Variants in CPS1 observed in about 807,000 individuals in gnomAD.
CPS1 encodes carbamoyl-phosphate synthase 1, also known as carbamoyl-phosphate synthase [ammonia], mitochondrial.
A neutral mutation model predicts 174.6 loss-of-function variants in CPS1; 109 were observed. That is an observed-to-expected ratio of 0.62 (90% CI 0.53 to 0.73). The LOEUF (loss-of-function observed/expected upper bound fraction) is 0.73. Among genes scored for constraint, CPS1 ranks in the 30% least tolerant of loss-of-function variants. CPS1 has a pLI of 0.00. For missense variants in CPS1, 1,689 were observed against 1,821.9 expected, an observed-to-expected ratio of 0.93 and a Z score of 1.33; for synonymous variants, 637 against 632.0, an observed-to-expected ratio of 1.01 and a Z score of -0.12.
At chr2:210,629,773 G>T (rs1699807917) in intron 21 of CPS1, among the ~76,000 whole-genome samples, 1 of 151,100 alleles carries the variant, frequency 6.6e-6, no homozygotes, top group Non-Finnish European at 1.5e-5. Flanking sequence ...ACCATGGGCC[G>T]GGCTCGGTGG....
chr2:210,525,703 T>C (rs1695953428), intron 1 of CPS1, among the ~76,000 whole-genome samples: 1 of 151,468 alleles, frequency 6.6e-6, no homozygotes, highest in African/African-American at 2.4e-5. Context: ...ATACCAGTGA[T>C]GGCTTGCAGG....
chr2:210,565,450 A>T (rs1295789724), intron 1 of CPS1, among the ~76,000 whole-genome samples: 1 of 152,174 alleles, frequency 6.6e-6, no homozygotes, highest in East Asian at 1.9e-4. Flanking sequence ...CTTGATATCC[A>T]TATTAGCTAC....
chr2:210,597,137 G>A (rs1381885169), intron 13 of CPS1, among the ~76,000 whole-genome samples: 1 of 151,802 alleles, frequency 6.6e-6, no homozygotes, highest in Non-Finnish European at 1.5e-5. Flanking sequence ...ACTAAAGTTT[G>A]TTGGTACTTT....
At chr2:210,538,823 T>TG (rs1696326186) in intron 1 of CPS1, among the ~76,000 whole-genome samples, 2 of 152,104 alleles carry the variant, frequency 1.3e-5, no homozygotes, top group Non-Finnish European at 2.9e-5. Context: ...GAGCAGTGTA[T>TG]TGCTTTGTTC....
chr2:210,581,004 C>G (rs888682296), intron 5 of CPS1, among the ~76,000 whole-genome samples: 2 of 151,854 alleles, frequency 1.3e-5, no homozygotes, highest in African/African-American at 2.4e-5. Flanking sequence ...AAAAACATGG[C>G]CAAATACCCA....
chr2:210,576,856 G>T (rs1314820663), intron 3 of CPS1, among the ~76,000 whole-genome samples: 2 of 152,072 alleles, frequency 1.3e-5, no homozygotes, highest in African/African-American at 4.8e-5. Flanking sequence ...TCTAGGGGAT[G>T]ATTTAAAGAT....
Position 210,630,095 on chromosome 2 carries a change from A to AC in CPS1, c.2688-7607_2688-7606insC, listed in dbSNP as rs201181547. Among the ~76,000 whole-genome samples the AC allele has an allele frequency of 7.8e-3, 1,183 of 151,064 alleles. 20 individuals are homozygous for AC. The highest frequency in any genetic ancestry group is 0.026 in the African/African-American group (1,075 of 41,294). On this transcript the variant is annotated intron_variant, in intron 21 of 37. Coordinates refer to ENST00000233072, the MANE Select transcript of CPS1 (RefSeq NM_001875.5). ...CTCAAAAAACAAAAAAACAAAACAA[A>AC]AAAAAAAAACAAAACCATGAAAAAA...
chr2:210,482,032 C>T (rs892035234), intron 1 of CPS1, among the ~76,000 whole-genome samples: 4 of 152,164 alleles, frequency 2.6e-5, no homozygotes, highest in Non-Finnish European at 4.4e-5. Flanking sequence ...GGCTGAGCCT[C>T]AAAGCCTGGG....
chr2:210,657,263 C>A (rs1700741701), intron 30 of CPS1: 1 of 155,098 alleles, frequency 6.4e-6, no homozygotes. Context: ...ATGACTCTGC[C>A]TTAGTACTCA....
At chr2:210,587,866 A>G (rs1012299328) in intron 6 of CPS1, among the ~76,000 whole-genome samples, 192 bp from the exon 7 acceptor site, 1 of 135,252 alleles carries the variant, frequency 7.4e-6, no homozygotes, top group Non-Finnish European at 1.7e-5. Context: ...TTTTTCTCAT[A>G]AAAAAGATAC....
intron 1 of CPS1, among the ~76,000 whole-genome samples, chr2:210,564,059 G>A (rs1182661917): frequency 6.6e-6 from 1 of 152,170 alleles, no homozygotes; most frequent in African/African-American, 2.4e-5. Flanking sequence ...ATCCATAAAT[G>A]TAGGCTTACA....
chr2:210,511,011 C>T (rs576631258), intron 1 of CPS1, among the ~76,000 whole-genome samples: 1 of 152,238 alleles, frequency 6.6e-6, no homozygotes, highest in East Asian at 1.9e-4. Context: ...TATCGTTTGA[C>T]CCAGCCATCC....
At chr2:210,577,357 T>C in intron 3 of CPS1, 64 bp from the exon 4 acceptor site, 1 of 1,267,264 alleles carries the variant, frequency 7.9e-7, no homozygotes, top group South Asian at 1.2e-5. Flanking sequence ...AAATGCAAAT[T>C]GACTCACAAG....
At chr2:210,622,072 C>G (rs1356500235) in intron 21 of CPS1, among the ~76,000 whole-genome samples, 1 of 151,492 alleles carries the variant, frequency 6.6e-6, no homozygotes, top group African/African-American at 2.4e-5. Context: ...AGGATACTTG[C>G]TATTTAACCC....
chr2:210,512,969 G>T (rs1454476540), intron 1 of CPS1, among the ~76,000 whole-genome samples: 1 of 31,308 alleles, frequency 3.2e-5, no homozygotes, highest in Non-Finnish European at 9.4e-5. Context: ...TATATATGGA[G>T]ATATATATAT....
At chr2:210,563,533 T>C (rs1184951119) in intron 1 of CPS1, among the ~76,000 whole-genome samples, 1 of 152,168 alleles carries the variant, frequency 6.6e-6, no homozygotes, top group East Asian at 1.9e-4. Flanking sequence ...AATGCAATTT[T>C]AGGCTGCAAG....
At chr2:210,604,847 A>G (rs1698851738) in intron 16 of CPS1, 3 of 447,226 alleles carry the variant, frequency 6.7e-6, no homozygotes, top group Admixed American at 3.7e-5. Context: ...TTCCTAAATT[A>G]GTTTGATTTA....
chr2:210,577,469 C>T lies in CPS1; in HGVS notation c.430C>T (p.Leu144=). ...TTATAGTAAAGACTACAACCACTGG[C>T]TGGCTACCAAGAGTTTAGGGCAATG... ...LDYSKDYNHW[L]ATKSLGQWLQ... is the part of the protein sequence containing the mutation. Residue 144 remains leucine (L), a synonymous_variant, in exon 4 of 38, where the codon CTG becomes TTG. Transcript: ENST00000233072. 6.2e-7 allele frequency: 1 copy of T among 1,613,872 alleles called. No individual in the cohort carries two copies.
chr2:210,515,156 GT>G (rs926138787), intron 1 of CPS1, among the ~76,000 whole-genome samples: 4 of 148,948 alleles, frequency 2.7e-5, no homozygotes, highest in Admixed American at 6.7e-5. Flanking sequence ...CCTGCATTTT[GT>G]TTTTTTTTCT....
Sources: gnomAD v4.1 joint callset for allele counts (sites outside exome capture counted in the v4.1 genomes callset) on GRCh38, gnomAD v4.1.1 for gene constraint, MANE v1.5 for transcripts, NCBI Gene and HGNC (gene_info 2026-07-23, HGNC 2026-07-21) for gene names.